The following RANBP2 variants were observed in gnomAD, a reference collection of about 807,000 sequenced individuals.
The protein encoded by RANBP2 is E3 SUMO-protein ligase RanBP2.
RANBP2 carries 57 observed loss-of-function variants against 303.6 expected under a neutral mutation model. The ratio of observed to expected loss-of-function variants is 0.19; its 90% CI spans 0.15 to 0.23. RANBP2 has a LOEUF of 0.23. RANBP2 is among the 10% of genes least tolerant of loss of function. The pLI is 1.00. For missense variants in RANBP2, 3,138 were observed against 3,780.8 expected, an observed-to-expected ratio of 0.83 and a Z score of 4.46; for synonymous variants, 1,167 against 1,301.5, an observed-to-expected ratio of 0.90 and a Z score of 2.23.
chr2:109,557,754 T>G, the RANBP2 span, among the ~76,000 whole-genome samples: 3 of 152,208 alleles, frequency 2.0e-5, no homozygotes, highest in Non-Finnish European at 4.4e-5. Flanking sequence ...AATGCAATCA[T>G]TGTTTCTTAT....
chr2:109,073,298 T>C, the RANBP2 span, among the ~76,000 whole-genome samples: 3 of 152,162 alleles, frequency 2.0e-5, no homozygotes, highest in Non-Finnish European at 4.4e-5. Flanking sequence ...AATAGCAGAC[T>C]AGGTGAACTG....
chr2:109,439,024 A>T, the RANBP2 span, among the ~76,000 whole-genome samples: 1 of 152,220 alleles, frequency 6.6e-6, no homozygotes, highest in African/African-American at 2.4e-5. Context: ...GTCTGCCCAG[A>T]ATAGCCAGTA....
the RANBP2 span, among the ~76,000 whole-genome samples, chr2:109,360,653 T>C: frequency 1.3e-5 from 2 of 152,212 alleles, no homozygotes; most frequent in East Asian, 3.8e-4. Flanking sequence ...CAATTGACTT[T>C]TGTATATTAG....
At chr2:109,109,045 G>T in the RANBP2 span, among the ~76,000 whole-genome samples, 11 of 152,174 alleles carry the variant, frequency 7.2e-5, no homozygotes, top group South Asian at 2.3e-3. Flanking sequence ...ATATTACTTG[G>T]TCCATTTACC....
At chr2:109,321,336 C>T in the RANBP2 span, among the ~76,000 whole-genome samples, 1 of 152,182 alleles carries the variant, frequency 6.6e-6, no homozygotes, top group Non-Finnish European at 1.5e-5. Flanking sequence ...ATGCAGATTG[C>T]CTCTTCCATA....
the RANBP2 span, among the ~76,000 whole-genome samples, chr2:108,898,045 C>CA: frequency 6.6e-6 from 1 of 152,162 alleles, no homozygotes; most frequent in Non-Finnish European, 1.5e-5. Context: ...ACAGCCCCAA[C>CA]AAAAGTCTTC....
the RANBP2 span, among the ~76,000 whole-genome samples, chr2:108,843,583 C>G: frequency 6.6e-6 from 1 of 152,152 alleles, no homozygotes; most frequent in Non-Finnish European, 1.5e-5. Flanking sequence ...ACTTTCAGTA[C>G]TTGAAAAATG....
At chr2:108,965,473 A>AAG in the RANBP2 span, among the ~76,000 whole-genome samples, 1 of 151,678 alleles carries the variant, frequency 6.6e-6, no homozygotes, top group African/African-American at 2.4e-5. Context: ...TCAAAAAAAA[A>AAG]AAAAAAGATA....
the RANBP2 span, among the ~76,000 whole-genome samples, chr2:108,929,892 A>C: frequency 6.6e-6 from 1 of 152,210 alleles, no homozygotes; most frequent in Admixed American, 6.5e-5. Flanking sequence ...TCCTTTAAAA[A>C]CATTTCAGAA....
the RANBP2 span, chr2:109,545,990 C>T: frequency 3.8e-5 from 57 of 1,512,236 alleles, no homozygotes; most frequent in South Asian, 4.2e-4. Context: ...TAGGAAGATC[C>T]GACAGGGCAA....
At chr2:109,063,545 C>T in the RANBP2 span, among the ~76,000 whole-genome samples, 4 of 152,136 alleles carry the variant, frequency 2.6e-5, no homozygotes, top group Admixed American at 6.5e-5. Context: ...TCCACAGGCG[C>T]GACAGGGAAC....
At chr2:109,328,943 GGTC>G in the RANBP2 span, among the ~76,000 whole-genome samples, 3 of 152,152 alleles carry the variant, frequency 2.0e-5, no homozygotes, top group Non-Finnish European at 2.9e-5. Context: ...TTAACGGGGT[GGTC>G]ATGACAAGCT....
chr2:109,574,487 TA>T, the RANBP2 span: 1 of 629,128 alleles, frequency 1.6e-6, no homozygotes. Flanking sequence ...ATGCACAGGA[TA>T]AAAGTTACAA....
chr2:109,206,577 G>A, the RANBP2 span, among the ~76,000 whole-genome samples: 7 of 150,776 alleles, frequency 4.6e-5, no homozygotes, highest in Non-Finnish European at 1.0e-4. Context: ...GGGAGGTCAA[G>A]GAGGGAGGAT....
chr2:109,111,601 T>C, the RANBP2 span, among the ~76,000 whole-genome samples: 1 of 151,908 alleles, frequency 6.6e-6, no homozygotes, highest in East Asian at 1.9e-4. Flanking sequence ...TTTTCTTTTT[T>C]TTTTTTTAGG....
chr2:108,980,874 C>T, the RANBP2 span, among the ~76,000 whole-genome samples: 1 of 152,136 alleles, frequency 6.6e-6, no homozygotes, highest in African/African-American at 2.4e-5. Flanking sequence ...CCACACCAAC[C>T]CCCGTGTAGC....
chr2:109,467,763 C>T, the RANBP2 span, among the ~76,000 whole-genome samples: 1 of 152,298 alleles, frequency 6.6e-6, no homozygotes, highest in South Asian at 2.1e-4. Flanking sequence ...TCCCACTGGG[C>T]ACCTTTTGCC....
the RANBP2 span, among the ~76,000 whole-genome samples, chr2:108,879,527 A>T: frequency 6.6e-6 from 1 of 152,226 alleles, no homozygotes; most frequent in South Asian, 2.1e-4. Context: ...ACTGCATATG[A>T]CAGAAACATT....
At chr2:108,835,345 C>A in the RANBP2 span, among the ~76,000 whole-genome samples, 1 of 152,210 alleles carries the variant, frequency 6.6e-6, no homozygotes, top group African/African-American at 2.4e-5. Context: ...TTCATCTCAG[C>A]CGTGAGCTCA....
Sources: gnomAD v4.1 joint callset for allele counts (sites outside exome capture counted in the v4.1 genomes callset) on GRCh38, gnomAD v4.1.1 for gene constraint, MANE v1.5 for transcripts, NCBI Gene and HGNC (gene_info 2026-07-23, HGNC 2026-07-21) for gene names.